FBXL18: variants seen among roughly 807,000 people sequenced by gnomAD.
The protein encoded by FBXL18 is F-box and leucine rich repeat protein 18, also known as F-box/LRR-repeat protein 18.
Under a neutral mutation model 46.0 loss-of-function variants are expected in FBXL18, and 36 were observed. That is an observed-to-expected ratio of 0.78 (90% CI 0.60 to 1.03). The LOEUF (loss-of-function observed/expected upper bound fraction) is 1.03. Ranked by LOEUF, FBXL18 falls within the 50% of genes least tolerant of loss-of-function variation. The pLI, the probability that FBXL18 is intolerant of heterozygous loss-of-function variation, is 0.00. For synonymous variants in FBXL18, 557 were observed against 465.3 expected (o/e 1.20, Z -2.54); for missense variants, 977 against 1,004.1 (o/e 0.97, Z 0.36).
rs1216488897 is a variant in FBXL18 at position 5,501,165 on chromosome 7, G to A, written c.1104C>T (p.Asp368=). 6 of 1,613,158 alleles carry A rather than the reference G, an allele frequency of 3.7e-6. No homozygotes were observed. The highest frequency in any genetic ancestry group is 2.2e-5 in the East Asian group (1 of 44,860). The stretch of plus-strand genomic sequence containing the variant: ...TCTCCAGGATGCTGCTGTCGATGTC[G>A]TCCTCCGCCTTGCGGAGCAGCGAGT... The part of the protein sequence containing the change: ...SPDSLLRKAE[D]DIDSSILETL... The change falls in exon 3 of 5, where the codon GAC becomes GAT. Residue 368 remains aspartate (D), a synonymous_variant. Coordinates refer to ENST00000382368, the MANE Select transcript of FBXL18 (RefSeq NM_024963.6).
intron 3 of FBXL18, among the ~76,000 whole-genome samples, chr7:5,500,221 T>A (rs4598150): frequency 0.93 from 141,019 of 152,012 alleles, 65,511 homozygotes; most frequent in African/African-American, 0.98. Context: ...TGAGACGATT[T>A]CACAGGATGA....
Position 5,513,637 on chromosome 7 carries a change from G to C in FBXL18, c.18+20C>G. The C allele has an allele frequency of 6.2e-7, 1 of 1,612,386 alleles. No homozygotes were observed. The highest frequency in any genetic ancestry group is 8.5e-7 in the Non-Finnish European group (1 of 1,179,202). On this transcript the variant is annotated intron_variant, in intron 1 of 4. Coordinates refer to ENST00000382368, the MANE Select transcript of FBXL18 (RefSeq NM_024963.6). ...AGGCCGCCGAGGCAGAAGCAGAGCG[G>C]AGACAGTCGCGGACAGTACCTCTCC...
chr7:5,478,629 T>TGGAAAG lies in FBXL18; in HGVS notation c.*3145_*3146insCTTTCC. 6.6e-6 allele frequency: 1 copy of TGGAAAG among 152,072 alleles called. No homozygotes were observed. The highest frequency in any genetic ancestry group is 1.5e-5 in the Non-Finnish European group (1 of 68,076). The allele number at this position is 152,072 out of a possible 1,614,324, so 9.4% of individuals were successfully genotyped here. A position where few individuals can be genotyped will look rare whatever the true frequency, so the allele number is the denominator to read the frequency against. ...AAAGAACAAAGGGATACATACCCTT[T>TGGAAAG]CCCCTCCTCCCTCCCTCCAACCCCA... On this transcript the variant is annotated 3_prime_UTR_variant, in exon 5 of 5. Coordinates refer to ENST00000382368, the MANE Select transcript of FBXL18 (RefSeq NM_024963.6).
chr7:5,505,934 G>A (rs554713580), intron 1 of FBXL18, among the ~76,000 whole-genome samples: 2 of 152,238 alleles, frequency 1.3e-5, no homozygotes, highest in East Asian at 1.9e-4. Flanking sequence ...GCGTGATCTC[G>A]GCTCACTGCA....
intron 2 of FBXL18, among the ~76,000 whole-genome samples, chr7:5,504,079 C>G (rs1390867538): frequency 6.6e-6 from 1 of 151,706 alleles, no homozygotes; most frequent in Non-Finnish European, 1.5e-5. Context: ...AGGCCTGATA[C>G]CAGCGTTGCA....
intron 2 of FBXL18, among the ~76,000 whole-genome samples, chr7:5,504,499 T>G (rs1377440268): frequency 1.4e-5 from 2 of 143,378 alleles, no homozygotes; most frequent in Non-Finnish European, 3.1e-5. Context: ...AGAGACAGGG[T>G]TTCACCATGT....
chr7:5,493,534 C>A (rs1341483592), intron 3 of FBXL18, among the ~76,000 whole-genome samples: 19 of 151,978 alleles, frequency 1.3e-4, no homozygotes, highest in Admixed American at 1.0e-3. Flanking sequence ...TGACCACTTG[C>A]TCCACCCGCC....
rs1382316713 is a variant in FBXL18 at position 5,513,740 on chromosome 7, G to A, written c.-66C>T. The A allele has an allele frequency of 2.0e-5, 32 of 1,565,854 alleles. No homozygotes were observed. Among genetic ancestry groups the A allele is most frequent in the South Asian group, 5.8e-5 (5 of 85,838 alleles). On this transcript the variant is annotated 5_prime_UTR_variant, in exon 1 of 5. Transcript: ENST00000382368. Reference sequence around the variant, plus strand: ...CCCGTGCCTCCCACCTGCCCGGCTAGGGATGCTCGAAGCCGGCGCGTCCAC... The same window carrying A: ...CCCGTGCCTCCCACCTGCCCGGCTAAGGATGCTCGAAGCCGGCGCGTCCAC...
intron 1 of FBXL18, among the ~76,000 whole-genome samples, chr7:5,509,851 C>T (rs1290505522): frequency 1.3e-5 from 2 of 152,038 alleles, no homozygotes; most frequent in African/African-American, 2.4e-5. Context: ...GAATGGGCCC[C>T]CACCCCCACT....
rs1452084037 is a variant in FBXL18 at position 5,476,690 on chromosome 7, A to G, written c.*5085T>C. On this transcript the variant is annotated 3_prime_UTR_variant, in exon 5 of 5. Coordinates refer to ENST00000382368, the MANE Select transcript of FBXL18 (RefSeq NM_024963.6). Reference sequence around the variant, plus strand: ...CACTATGTTGCCCAGGCTGGTCTCGAACTCCTGGGCTCAAGCGATCCTCCT... The same window carrying G: ...CACTATGTTGCCCAGGCTGGTCTCGGACTCCTGGGCTCAAGCGATCCTCCT... 1 of 152,194 alleles carries G rather than the reference A, an allele frequency of 6.6e-6. No homozygotes were observed. The highest frequency in any genetic ancestry group is 2.4e-5 in the African/African-American group (1 of 41,362). The allele number at this position is 152,194 out of a possible 1,614,324, so 9.4% of individuals were successfully genotyped here. A position where few individuals can be genotyped will look rare whatever the true frequency, so the allele number is the denominator to read the frequency against.
chr7:5,508,098 T>C (rs766483456), intron 1 of FBXL18, among the ~76,000 whole-genome samples: 1 of 151,704 alleles, frequency 6.6e-6, no homozygotes, highest in Admixed American at 6.6e-5. Flanking sequence ...AAACCCCATC[T>C]CTACTAAAAA....
intron 4 of FBXL18, among the ~76,000 whole-genome samples, chr7:5,461,605 T>G (rs1011069448): frequency 6.6e-6 from 1 of 152,068 alleles, no homozygotes; most frequent in Non-Finnish European, 1.5e-5. Flanking sequence ...ATCGTGCCAC[T>G]ACACTCTGGC....
rs113370956 is a variant in FBXL18 at position 5,466,452 on chromosome 7, C to T, written c.2001-18609G>A. ...TGGAGGGAGGACCTCACACACAGTG[C>T]GGCCTCTCCAGCACACAGAGTTGCT... On this transcript the variant is annotated intron_variant and NMD_transcript_variant, in intron 4 of 6. Transcript: ENST00000415009. Among the ~76,000 whole-genome samples the T allele has an allele frequency of 4.8e-3, 730 of 152,238 alleles. 7 individuals carry two copies. Among genetic ancestry groups the T allele is most frequent in the African/African-American group, 0.017 (697 of 41,542 alleles).
Position 5,501,543 on chromosome 7 carries a change from G to T in FBXL18, c.726C>A (p.Ile242=), listed in dbSNP as rs760517595. 6.8e-6 allele frequency: 11 copies of T among 1,613,964 alleles called. No homozygotes were observed. The East Asian group carries it at 2.5e-4, about 36-fold the overall frequency. ...GGTAGAGCCGCACCACCTCCTGGTT[G>T]ATGTAGCCGGGGGCCAGGCGCGCAT... is the stretch of plus-strand genomic sequence containing the variant. ...VFYARLAPGY[I]NQEVVRLYLA... Residue 242 remains isoleucine, a synonymous_variant, in exon 3 of 5, where the codon ATC becomes ATA. Coordinates refer to ENST00000382368, the MANE Select transcript of FBXL18 (RefSeq NM_024963.6).
chr7:5,488,063 C>CA (rs989513882), intron 4 of FBXL18, among the ~76,000 whole-genome samples: 1 of 152,254 alleles, frequency 6.6e-6, no homozygotes, highest in African/African-American at 2.4e-5. Context: ...CCTGAGGACA[C>CA]AAAACACCAA....
chr7:5,500,009 G>C (rs776782416), intron 3 of FBXL18, among the ~76,000 whole-genome samples: 24 of 151,218 alleles, frequency 1.6e-4, no homozygotes, highest in Non-Finnish European at 2.9e-4. Context: ...AGGATGAAGT[G>C]AGCTATGATG....
chr7:5,505,064 T>C (rs1784360571), intron 2 of FBXL18, among the ~76,000 whole-genome samples: 1 of 151,030 alleles, frequency 6.6e-6, no homozygotes, highest in Admixed American at 6.6e-5. Flanking sequence ...ACTGCACCAC[T>C]GGAGAGCCAC....
Position 5,513,756 on chromosome 7 carries a change from G to A in FBXL18, c.-82C>T. The A allele has an allele frequency of 6.5e-7, 1 of 1,539,286 alleles. No individual in the cohort carries two copies. The highest frequency in any genetic ancestry group is 1.2e-5 in the South Asian group (1 of 83,614). On this transcript the variant is annotated 5_prime_UTR_variant, in exon 1 of 5. Transcript: ENST00000382368. ...GCCCGGCTAGGGATGCTCGAAGCCG[G>A]CGCGTCCACCGCTCAACCGAGACCC...
Position 5,477,444 on chromosome 7 carries a change from T to A in FBXL18, c.*4331A>T, listed in dbSNP as rs1193788263. The stretch of plus-strand genomic sequence containing the variant: ...TGCGCCAGGCACGGTGGCTCACACC[T>A]GTTATCCTAGCACTTTGGGAGGCCG... On this transcript the variant is annotated 3_prime_UTR_variant, in exon 5 of 5. Coordinates refer to ENST00000382368, the MANE Select transcript of FBXL18 (RefSeq NM_024963.6). The surrounding 1 kb of genome is among the most constrained non-coding windows in gnomAD (Gnocchi z 4.4). Among the ~76,000 whole-genome samples, 1 of 152,184 alleles carries A rather than the reference T, an allele frequency of 6.6e-6. No homozygotes were observed. Among genetic ancestry groups the A allele is most frequent in the Non-Finnish European group, 1.5e-5 (1 of 68,044 alleles).
Sources: gnomAD v4.1 joint callset for allele counts (sites outside exome capture counted in the v4.1 genomes callset) on GRCh38, gnomAD v4.1.1 for gene constraint, Gnocchi (gnomAD v3.1) non-coding constraint, MANE v1.5 for transcripts, NCBI Gene and HGNC (gene_info 2026-07-23, HGNC 2026-07-21) for gene names.